SCML4: variants seen among roughly 807,000 people sequenced by gnomAD.
SCML4 encodes the protein sex comb on midleg-like protein 4.
A neutral mutation model predicts 41.1 loss-of-function variants in SCML4; 34 were observed. That is an observed-to-expected ratio of 0.83 (90% CI 0.63 to 1.10). The LOEUF is 1.10. Among genes scored for constraint, SCML4 ranks in the 50% least tolerant of loss-of-function variants. SCML4 has a pLI of 0.00. For missense variants in SCML4, 522 were observed against 534.1 expected (o/e 0.98, Z 0.22); for synonymous variants, 214 against 220.9 (o/e 0.97, Z 0.28).
chr6:107,798,229 T>C (rs1410811322), intron 1 of SCML4, among the ~76,000 whole-genome samples: 1 of 152,098 alleles, frequency 6.6e-6, no homozygotes, highest in South Asian at 2.1e-4. Flanking sequence ...TTTGATAGAA[T>C]TCATACAGAA....
chr6:107,765,597 T>C (rs977314325), intron 2 of SCML4, among the ~76,000 whole-genome samples: 2 of 152,132 alleles, frequency 1.3e-5, no homozygotes, highest in Middle Eastern at 3.2e-3. Flanking sequence ...CTCAGGAGGC[T>C]GCCCCATTCA....
At chr6:107,736,726 T>C (rs962587253) in intron 5 of SCML4, among the ~76,000 whole-genome samples, 1 of 152,142 alleles carries the variant, frequency 6.6e-6, no homozygotes, top group African/African-American at 2.4e-5. Context: ...GATAAATGTG[T>C]TGTTGGATAG....
the SCML4 span, among the ~76,000 whole-genome samples, chr6:107,831,792 G>A: frequency 9.2e-5 from 14 of 152,242 alleles, no homozygotes; most frequent in African/African-American, 2.6e-4. Flanking sequence ...GGTGGCTCAC[G>A]TCTCTAATCC....
chr6:107,763,398 T>C (rs948870980), intron 2 of SCML4, among the ~76,000 whole-genome samples: 2 of 150,346 alleles, frequency 1.3e-5, no homozygotes, highest in African/African-American at 2.4e-5. Flanking sequence ...TTTTTTTGTA[T>C]GTTTTTGAGA....
At chr6:107,722,888 A>G (rs867270418) in intron 5 of SCML4, among the ~76,000 whole-genome samples, 1 of 152,040 alleles carries the variant, frequency 6.6e-6, no homozygotes, top group Non-Finnish European at 1.5e-5. Flanking sequence ...AAGACACTGG[A>G]AAAAAAAGCA....
chr6:107,728,094 TAAAC>T (rs1264105102), intron 5 of SCML4, among the ~76,000 whole-genome samples: 1 of 152,244 alleles, frequency 6.6e-6, no homozygotes, highest in Non-Finnish European at 1.5e-5. Flanking sequence ...AGATTTGTGA[TAAAC>T]AATGAAAAAA....
chr6:107,820,400 G>GTGCGTA (rs1475892828), intron 1 of SCML4, among the ~76,000 whole-genome samples: 2 of 152,224 alleles, frequency 1.3e-5, no homozygotes, highest in African/African-American at 4.8e-5. Flanking sequence ...GTGTGTGCGT[G>GTGCGTA]TGCGTATGCA....
intron 2 of SCML4, among the ~76,000 whole-genome samples, chr6:107,764,805 T>C (rs1779901991): frequency 6.6e-6 from 1 of 152,176 alleles, no homozygotes; most frequent in Non-Finnish European, 1.5e-5. Context: ...TGGGGGTAAT[T>C]TCCCCCATAC....
At position 107,761,405 on chromosome 6, in the gene SCML4, C is replaced by T. The variant is rs189122352; in HGVS notation, c.156+10767G>A. 2.4e-3 allele frequency among the ~76,000 whole-genome samples: 363 copies of T among 150,452 alleles called. 2 individuals carry two copies. The highest frequency in any genetic ancestry group is 8.4e-3 in the African/African-American group (347 of 41,164). ...GCTAGAAAAGTAGTTGAATTCTCTG[C>T]AACAATGAACCCCAGAATATAAATA... On this transcript the variant is annotated intron_variant, in intron 2 of 7. Transcript: ENST00000369020.
chr6:107,769,531 AT>A (rs1175183730), intron 2 of SCML4, among the ~76,000 whole-genome samples: 34 of 152,250 alleles, frequency 2.2e-4, no homozygotes, highest in African/African-American at 7.0e-4. Context: ...GTCAACCAGC[AT>A]AGACTTGTTA....
At chr6:107,765,023 C>A (rs1389586484) in intron 2 of SCML4, among the ~76,000 whole-genome samples, 1 of 152,182 alleles carries the variant, frequency 6.6e-6, no homozygotes, top group Admixed American at 6.5e-5. Context: ...TCAGGTATCT[C>A]TTTATCAGCA....
chr6:107,731,629 T>A (rs1280197959), intron 5 of SCML4, among the ~76,000 whole-genome samples: 1 of 152,192 alleles, frequency 6.6e-6, no homozygotes, highest in Non-Finnish European at 1.5e-5. Flanking sequence ...TTTGCCGGTC[T>A]GCCCAGCCCT....
At chr6:107,840,449 C>T in the SCML4 span, among the ~76,000 whole-genome samples, 1 of 152,316 alleles carries the variant, frequency 6.6e-6, no homozygotes, top group East Asian at 1.9e-4. Flanking sequence ...GTCCTTCTAA[C>T]CTATGATAGC....
At chr6:107,731,717 G>C (rs933392866) in intron 5 of SCML4, among the ~76,000 whole-genome samples, 3 of 152,248 alleles carry the variant, frequency 2.0e-5, no homozygotes, top group Non-Finnish European at 1.5e-5. Context: ...TCGGCTTGCT[G>C]ACAGAGATGG....
chr6:107,794,743 G>T (rs1168373690), intron 1 of SCML4, among the ~76,000 whole-genome samples: 1 of 152,084 alleles, frequency 6.6e-6, no homozygotes, highest in Non-Finnish European at 1.5e-5. Flanking sequence ...CCACAAACTT[G>T]GTGGCTTGGA....
chr6:107,795,114 A>G (rs993414901), intron 1 of SCML4, among the ~76,000 whole-genome samples: 4 of 152,228 alleles, frequency 2.6e-5, no homozygotes, highest in African/African-American at 9.6e-5. Context: ...GAGGGACACT[A>G]TTCAACCCTG....
intron 5 of SCML4, among the ~76,000 whole-genome samples, chr6:107,724,885 C>T (rs1001198972): frequency 2.6e-5 from 4 of 151,114 alleles, no homozygotes; most frequent in Non-Finnish European, 5.9e-5. Flanking sequence ...TAGTACAAAG[C>T]AACAATAATC....
chr6:107,818,600 G>A (rs1259036046), intron 1 of SCML4, among the ~76,000 whole-genome samples: 1 of 152,230 alleles, frequency 6.6e-6, no homozygotes, highest in Non-Finnish European at 1.5e-5. Context: ...CACAAAGAAT[G>A]AGAATGATTC....
upstream of SCML4, among the ~76,000 whole-genome samples, chr6:107,825,528 G>T (rs1785215818): frequency 6.6e-6 from 1 of 152,332 alleles, no homozygotes; most frequent in South Asian, 2.1e-4. Flanking sequence ...CACTACTTTA[G>T]TTCATTTAAT....
Sources: allele counts gnomAD v4.1 joint callset (sites outside exome capture counted in the v4.1 genomes callset), GRCh38; gene constraint gnomAD v4.1.1; transcripts MANE v1.5; gene names NCBI Gene and HGNC (gene_info 2026-07-23, HGNC 2026-07-21).